Variants in LARGE1 observed in about 807,000 individuals in gnomAD.
LARGE1 encodes the protein xylosyl- and glucuronyltransferase LARGE1.
A neutral mutation model predicts 87.6 loss-of-function variants in LARGE1; 43 were observed. The observed-to-expected ratio is 0.49, with a 90% CI of 0.38 to 0.63. LARGE1 has a LOEUF of 0.63. Ranked by LOEUF, LARGE1 falls within the 30% of genes least tolerant of loss-of-function variation. The pLI, the probability that LARGE1 is intolerant of heterozygous loss-of-function variation, is 0.00. For missense variants in LARGE1, 802 were observed against 1,000.2 expected, an observed-to-expected ratio of 0.80 and a Z score of 2.67; for synonymous variants, 434 against 394.6, an observed-to-expected ratio of 1.10 and a Z score of -1.18.
chr22:33,214,061 C>T (rs559112983), intron 11 of LARGE1, among the ~76,000 whole-genome samples: 16 of 152,294 alleles, frequency 1.1e-4, no homozygotes, highest in Non-Finnish European at 1.9e-4. Flanking sequence ...ATTTCCTGAC[C>T]TCATGATCCA....
chr22:33,556,530 GGGAGGGAA>G lies in LARGE1; in HGVS notation c.787+8310_787+8317del, dbSNP rs1255862560. On this transcript the variant is annotated intron_variant, in intron 6 of 14. Coordinates refer to ENST00000397394, the MANE Select transcript of LARGE1 (RefSeq NM_133642.5). ...AAGAAGGAAGGAAGGGAGGGAGGGA[GGGAGGGAA>G]GGAGGGAGGGAGGGAGGGAGGGAGG... 6.2e-3 allele frequency among the ~76,000 whole-genome samples: 494 copies of G among 80,156 alleles called. 20 individuals are homozygous for G. The East Asian group carries it at 0.089, about 14-fold the overall frequency. 52.6% of individuals were successfully genotyped at this position (80,156 alleles called of 152,430 possible). A position where few individuals can be genotyped will look rare whatever the true frequency, so the allele number is the denominator to read the frequency against.
At chr22:33,897,796 C>T (rs1009597246) in intron 1 of LARGE1, among the ~76,000 whole-genome samples, 1 of 152,148 alleles carries the variant, frequency 6.6e-6, no homozygotes, top group Non-Finnish European at 1.5e-5. Context: ...TGGGGGATTA[C>T]GAGGCTGTTT....
chr22:33,812,643 C>A (rs1209073361), intron 1 of LARGE1, among the ~76,000 whole-genome samples: 2 of 152,228 alleles, frequency 1.3e-5, no homozygotes, highest in Non-Finnish European at 2.9e-5. Flanking sequence ...ATCTATCAGT[C>A]CCTCTGCAAT....
intron 5 of LARGE1, among the ~76,000 whole-genome samples, chr22:33,572,795 G>A (rs373728518): frequency 2.2e-4 from 34 of 151,974 alleles, no homozygotes; most frequent in South Asian, 4.1e-4. Context: ...CCTTGAGCCC[G>A]GGAGGTGGAG....
intron 10 of LARGE1, among the ~76,000 whole-genome samples, chr22:33,318,811 A>C (rs1413196206): frequency 1.3e-5 from 2 of 152,054 alleles, no homozygotes; most frequent in Non-Finnish European, 2.9e-5. Context: ...TTTTCTGTTA[A>C]ATCAGCCTTG....
chr22:33,255,060 C>G (rs1303715233), intron 11 of LARGE1, among the ~76,000 whole-genome samples: 2 of 151,910 alleles, frequency 1.3e-5, no homozygotes, highest in African/African-American at 4.8e-5. Context: ...GCCTCAGCCT[C>G]CCTGGTAACT....
exon 12 of LARGE1, chr22:33,165,394 CCAA>C (rs1481842593): frequency 6.6e-6 from 1 of 152,134 alleles, no homozygotes; most frequent in African/African-American, 2.4e-5. Context: ...TTTGGTGTCA[CCAA>C]CAACAACCTT....
At chr22:33,321,835 C>G (rs2146364214) in intron 10 of LARGE1, among the ~76,000 whole-genome samples, 1 of 152,188 alleles carries the variant, frequency 6.6e-6, no homozygotes, top group African/African-American at 2.4e-5. Context: ...GGTTGATTGA[C>G]TAAGATGGAG....
At chr22:33,270,948 T>C (rs570859267), downstream of LARGE1, among the ~76,000 whole-genome samples, 38 of 152,322 alleles carry the variant, frequency 2.5e-4, no homozygotes, top group East Asian at 4.4e-3. Context: ...TTAGTGTCTC[T>C]ACCTGAGCCA....
intron 6 of LARGE1, among the ~76,000 whole-genome samples, chr22:33,531,315 GC>G (rs751418893): frequency 0.029 from 4,360 of 152,230 alleles, 89 homozygotes; most frequent in South Asian, 0.077. Flanking sequence ...CCGCCACCAT[GC>G]CCAGCTAATT....
At chr22:33,564,642 A>C (rs2077967876) in intron 6 of LARGE1, among the ~76,000 whole-genome samples, 1 of 152,246 alleles carries the variant, frequency 6.6e-6, no homozygotes, top group South Asian at 2.1e-4. Context: ...TCATTTACTA[A>C]AGACATGTAA....
chr22:33,762,864 T>G (rs1354600887), intron 1 of LARGE1, among the ~76,000 whole-genome samples: 1 of 152,122 alleles, frequency 6.6e-6, no homozygotes, highest in Non-Finnish European at 1.5e-5. Flanking sequence ...TGACTATAGG[T>G]GGAAAGAAAG....
intron 6 of LARGE1, among the ~76,000 whole-genome samples, chr22:33,501,692 C>T (rs1045189931): frequency 2.6e-5 from 4 of 152,172 alleles, no homozygotes; most frequent in South Asian, 2.1e-4. Flanking sequence ...CCAGATGGGG[C>T]GGCAGGCGGC....
intron 1 of LARGE1, among the ~76,000 whole-genome samples, chr22:33,869,617 G>A (rs1021620839): frequency 2.0e-5 from 3 of 152,174 alleles, no homozygotes; most frequent in East Asian, 1.9e-4. Context: ...GGTAGCAACC[G>A]TGGGAAGCAC....
intron 10 of LARGE1, among the ~76,000 whole-genome samples, chr22:33,321,251 C>A (rs949857395): frequency 1.3e-5 from 2 of 152,220 alleles, no homozygotes; most frequent in African/African-American, 4.8e-5. Flanking sequence ...CCTGAAGACA[C>A]CTATGTGGAT....
the LARGE1 span, among the ~76,000 whole-genome samples, chr22:33,103,977 TG>T: frequency 6.6e-6 from 1 of 152,210 alleles, no homozygotes; most frequent in Admixed American, 6.5e-5. Flanking sequence ...GCCGTGATTG[TG>T]AGGCCTCCCC....
chr22:33,157,618 TA>T (rs1344795972), downstream of LARGE1, among the ~76,000 whole-genome samples: 1 of 152,200 alleles, frequency 6.6e-6, no homozygotes, highest in African/African-American at 2.4e-5. Flanking sequence ...CATACTTCCA[TA>T]CCACTATCAA....
intron 11 of LARGE1, among the ~76,000 whole-genome samples, chr22:33,267,298 C>T (rs927946617): frequency 2.0e-5 from 3 of 151,522 alleles, no homozygotes; most frequent in East Asian, 1.9e-4. Flanking sequence ...CTGTAAGCTA[C>T]GGAAGCAACA....
At chr22:33,296,726 G>A (rs192521005) in intron 12 of LARGE1, among the ~76,000 whole-genome samples, 70 of 152,032 alleles carry the variant, frequency 4.6e-4, no homozygotes, top group African/African-American at 1.5e-3. Flanking sequence ...GCACCACCAC[G>A]TCCAACTAAT....
Sources: gnomAD v4.1 joint callset for allele counts (sites outside exome capture counted in the v4.1 genomes callset) on GRCh38, gnomAD v4.1.1 for gene constraint, MANE v1.5 for transcripts, NCBI Gene and HGNC (gene_info 2026-07-23, HGNC 2026-07-21) for gene names.